Variants in TRMT9B observed in about 807,000 individuals in gnomAD.
TRMT9B encodes the protein probable tRNA methyltransferase 9B.
A neutral mutation model predicts 11.5 loss-of-function variants in TRMT9B; 16 were observed. The ratio of observed to expected loss-of-function variants is 1.39; its 90% CI spans 0.94 to 2.11. The LOEUF is 2.11. Ranked by LOEUF, TRMT9B falls within the 30% of genes most tolerant of loss-of-function variation. The pLI, the probability that TRMT9B is intolerant of heterozygous loss-of-function variation, is 0.00. For missense variants in TRMT9B, 941 were observed against 553.8 expected (o/e 1.70, Z -7.02); for synonymous variants, 274 against 192.4 (o/e 1.42, Z -3.51).
At chr8:13,010,643 C>G (rs1011622748) in intron 3 of TRMT9B, 5 of 984,760 alleles carry the variant, frequency 5.1e-6, no homozygotes, top group Non-Finnish European at 6.0e-6. Context: ...AAAATGCTCT[C>G]TGAACAGGCC....
intron 2 of TRMT9B, among the ~76,000 whole-genome samples, chr8:12,991,395 G>A (rs1807305054): frequency 6.6e-6 from 1 of 152,122 alleles, no homozygotes; most frequent in Non-Finnish European, 1.5e-5. Context: ...AAATGAAAAA[G>A]CTATGCATTT....
chr8:12,968,930 G>T (rs181557229), intron 1 of TRMT9B, among the ~76,000 whole-genome samples: 5 of 152,184 alleles, frequency 3.3e-5, no homozygotes, highest in African/African-American at 1.2e-4. Context: ...CCGAAAAGTG[G>T]GCTGGGTGAG....
rs537461004 is a variant in TRMT9B, at chr8:13,021,240, C to T, written c.561C>T (p.Gly187=). 2.5e-6 allele frequency: 4 copies of T among 1,613,884 alleles called. No individual in the cohort carries two copies. The Admixed American group carries it at 6.7e-5, about 27-fold the overall frequency. The part of the protein sequence containing the change: ...RKRQCGYPER[G]HPYHPPCSEC... ...GGCAGTGTGGATACCCAGAAAGAGG[C>T]CATCCCTACCATCCTCCTTGCTCTG... Residue 187 remains glycine (G), a synonymous_variant, in exon 5 of 5, where the codon GGC becomes GGT. Transcript: ENST00000524591.
At chr8:12,998,601 G>C (rs1808792363) in intron 2 of TRMT9B, among the ~76,000 whole-genome samples, 1 of 152,204 alleles carries the variant, frequency 6.6e-6, no homozygotes, top group South Asian at 2.1e-4. Flanking sequence ...AGGAGGAGCA[G>C]GTATAAAAAG....
In TRMT9B at chr8:13,022,587, T is replaced by C. The variant is rs1385389560; in HGVS notation, c.*543T>C. ...AAGTTTTCAGAAAACTGAGTGACAGTGGAGAGAAACAAGAAGTTTTACAAG... is the reference window on the plus strand; with the variant it reads ...AAGTTTTCAGAAAACTGAGTGACAGCGGAGAGAAACAAGAAGTTTTACAAG... On this transcript the variant is annotated 3_prime_UTR_variant, in exon 5 of 5. Coordinates refer to ENST00000524591, the MANE Select transcript of TRMT9B (RefSeq NM_020844.3). The C allele has an allele frequency of 6.0e-6, 1 of 167,138 alleles. No individual in the cohort carries two copies. The highest frequency in any genetic ancestry group is 1.9e-4 in the East Asian group (1 of 5,196). 10.4% of individuals were successfully genotyped at this position (167,138 alleles called of 1,614,324 possible).
chr8:12,947,055 C>A (rs918233238), intron 1 of TRMT9B, among the ~76,000 whole-genome samples: 2 of 152,184 alleles, frequency 1.3e-5, no homozygotes, highest in East Asian at 3.9e-4. Context: ...ACAAAGACAG[C>A]TCTTGGTTAG....
chr8:12,966,325 G>A (rs1158606614), intron 1 of TRMT9B, among the ~76,000 whole-genome samples: 5 of 152,140 alleles, frequency 3.3e-5, no homozygotes, highest in African/African-American at 1.2e-4. Flanking sequence ...ATACAACCAT[G>A]TGCCATTTAG....
intron 1 of TRMT9B, among the ~76,000 whole-genome samples, chr8:12,951,117 C>G (rs928041473): frequency 2.0e-5 from 3 of 152,150 alleles, no homozygotes; most frequent in Non-Finnish European, 4.4e-5. Flanking sequence ...AGGTTTGTGT[C>G]CAGTTTTGGG....
intron 3 of TRMT9B, among the ~76,000 whole-genome samples, chr8:13,008,786 G>T (rs376065150): frequency 0.012 from 1,891 of 152,048 alleles, 43 homozygotes; most frequent in African/African-American, 0.044. Flanking sequence ...TGGAGTGCAG[G>T]GGCGCCATCT....
chr8:13,016,993 G>T (rs757332375), intron 4 of TRMT9B, among the ~76,000 whole-genome samples: 4 of 151,354 alleles, frequency 2.6e-5, no homozygotes, highest in African/African-American at 7.3e-5. Context: ...GCATAGTAGT[G>T]CATGCCTGTA....
At chr8:12,952,711 A>ATT in intron 1 of TRMT9B, 1 of 980,988 alleles carries the variant, frequency 1.0e-6, no homozygotes, top group Middle Eastern at 5.3e-4. Flanking sequence ...GAAGGTAAGG[A>ATT]TTTGTATGAT....
rs535422210 is a variant in TRMT9B at position 12,991,321 on chromosome 8, A to G, written c.-2+290A>G. ...GATTTTTATCACACAAAAGTTTACAATATCATTTGTACTTGGAAATGATAT... is the reference window on the plus strand; with the variant it reads ...GATTTTTATCACACAAAAGTTTACAGTATCATTTGTACTTGGAAATGATAT... On this transcript the variant is annotated intron_variant, in intron 2 of 4. Coordinates refer to ENST00000524591, the MANE Select transcript of TRMT9B (RefSeq NM_020844.3). Among the ~76,000 whole-genome samples, 69 of 152,360 alleles carry G rather than the reference A, an allele frequency of 4.5e-4. 1 individual carries two copies. Among genetic ancestry groups the G allele is most frequent in the African/African-American group, 1.6e-3 (66 of 41,582 alleles).
intron 2 of TRMT9B, among the ~76,000 whole-genome samples, chr8:12,994,067 C>A (rs1207645607): frequency 6.6e-6 from 1 of 152,218 alleles, no homozygotes; most frequent in Non-Finnish European, 1.5e-5. Context: ...CATGTGCCCA[C>A]CCCACTGCCA....
In TRMT9B at chr8:12,984,987, ACTCT is replaced by A. The variant is rs71207110; in HGVS notation, c.-199-5839_-199-5836del. Among the ~76,000 whole-genome samples, 7 of 129,210 alleles carry A rather than the reference ACTCT, an allele frequency of 5.4e-5. No individual in the cohort carries two copies. The South Asian group carries it at 1.3e-3, about 24-fold the overall frequency. 84.8% of individuals were successfully genotyped at this position (129,210 alleles called of 152,430 possible). Reference sequence around the variant, plus strand: ...CACACACACACACACACACACACACACTCTCTCTCTCACACTCCCCACCCAGATG... The same window carrying A: ...CACACACACACACACACACACACACACTCTCTCACACTCCCCACCCAGATG... On this transcript the variant is annotated intron_variant, in intron 1 of 4. Transcript: ENST00000524591.
At position 13,026,212 on chromosome 8, in the gene TRMT9B, T is replaced by A. The variant is rs897986725; in HGVS notation, c.*4168T>A. The A allele has an allele frequency of 1.2e-5, 2 of 167,178 alleles. No individual in the cohort carries two copies. Among genetic ancestry groups the A allele is most frequent in the Non-Finnish European group, 2.9e-5 (2 of 68,110 alleles). The allele number at this position is 167,178 out of a possible 1,614,324, so 10.4% of individuals were successfully genotyped here. On this transcript the variant is annotated 3_prime_UTR_variant, in exon 5 of 5. Coordinates refer to ENST00000524591, the MANE Select transcript of TRMT9B (RefSeq NM_020844.3). ...GCCTCAGCATCTCTTTCCTATTACA[T>A]AGAAAATCTGAAATGAGAATAGCTG...
At chr8:12,975,859 A>G (rs1003630301) in intron 1 of TRMT9B, among the ~76,000 whole-genome samples, 3 of 152,214 alleles carry the variant, frequency 2.0e-5, no homozygotes, top group African/African-American at 7.2e-5. Context: ...GGTGACAGAC[A>G]TTACGGATAA....
chr8:12,966,172 G>T lies in TRMT9B; in HGVS notation c.-200+20206G>T, dbSNP rs535822698. 5.9e-5 allele frequency among the ~76,000 whole-genome samples: 9 copies of T among 151,874 alleles called. No individual in the cohort carries two copies. In the East Asian group the frequency reaches 1.6e-3, roughly 26 times the overall value. Reference sequence around the variant, plus strand: ...AAGACCCCCCCCATCTCTACAGAAAGTGAAAAAAACAGTAGCCTGGCATGG... The same window carrying T: ...AAGACCCCCCCCATCTCTACAGAAATTGAAAAAAACAGTAGCCTGGCATGG... On this transcript the variant is annotated intron_variant, in intron 1 of 4. Coordinates refer to ENST00000524591, the MANE Select transcript of TRMT9B (RefSeq NM_020844.3).
Position 13,021,680 on chromosome 8 carries a change from A to T in TRMT9B, c.1001A>T (p.Asn334Ile). The stretch of plus-strand genomic sequence containing the variant: ...GCACCAGGCACTCTGAAACATTTAA[A>T]TGGAGACCATCAAGGGGAAATGAGG... Reference protein sequence around the residue: ...LRAPGTLKHLNGDHQGEMRRN... With the variant: ...LRAPGTLKHLIGDHQGEMRRN... Residue 334 changes from asparagine to isoleucine, a missense_variant, in exon 5 of 5, where the codon AAT (asparagine) becomes ATT (isoleucine). Physicochemically the swap from Asn to Ile is moderately radical, Grantham distance 149. Transcript: ENST00000524591. The T allele has an allele frequency of 6.2e-7, 1 of 1,613,974 alleles. No individual in the cohort carries two copies. Among genetic ancestry groups the T allele is most frequent in the Non-Finnish European group, 8.5e-7 (1 of 1,179,884 alleles).
Position 13,012,700 on chromosome 8 carries a change from ATATCT to A in TRMT9B, c.174_178del (p.Tyr58Ter). On this transcript the variant is annotated frameshift_variant, in exon 4 of 5. Transcript: ENST00000524591. LOFTEE classifies it high-confidence loss of function. ...CTCTTATAGGTTGTGGGACTGGAAA[ATATCT>A]TAAAGTGAACAGCCAGGTACATACC... The A allele has an allele frequency of 5.0e-6, 8 of 1,613,228 alleles. No homozygotes were observed. The highest frequency in any genetic ancestry group is 6.8e-6 in the Non-Finnish European group (8 of 1,179,414).
Sources: allele counts gnomAD v4.1 joint callset (sites outside exome capture counted in the v4.1 genomes callset), GRCh38; gene constraint gnomAD v4.1.1; transcripts MANE v1.5; gene names NCBI Gene and HGNC (gene_info 2026-07-23, HGNC 2026-07-21).